Variants in FAM114A2 observed in about 807,000 individuals in gnomAD.
The protein encoded by FAM114A2 is family with sequence similarity 114 member A2.
In FAM114A2, 53 loss-of-function variants were observed where a neutral mutation model predicts 58.4. The observed-to-expected ratio is 0.91, with a 90% CI of 0.73 to 1.14. FAM114A2 has a LOEUF of 1.14. FAM114A2 is among the 50% of genes most tolerant of loss of function. The pLI, the probability that FAM114A2 is intolerant of heterozygous loss-of-function variation, is 0.00. For missense variants in FAM114A2, 601 were observed against 581.1 expected (o/e 1.03, Z -0.35); for synonymous variants, 228 against 211.4 (o/e 1.08, Z -0.68).
chr5:154,031,688 A>G (rs556996193), intron 4 of FAM114A2, among the ~76,000 whole-genome samples: 5 of 152,206 alleles, frequency 3.3e-5, no homozygotes, highest in Non-Finnish European at 7.3e-5. Flanking sequence ...CCCATAAACC[A>G]TGAATAATAA....
chr5:154,005,273 G>C (rs1770276698), intron 9 of FAM114A2, among the ~76,000 whole-genome samples: 1 of 151,996 alleles, frequency 6.6e-6, no homozygotes, highest in Non-Finnish European at 1.5e-5. Context: ...ATGTGACCTG[G>C]GTGCAGCTGC....
At chr5:153,997,946 CAGA>C in intron 11 of FAM114A2, 71 bp from the exon 12 acceptor site, 1 of 922,838 alleles carries the variant, frequency 1.1e-6, no homozygotes, top group Admixed American at 2.0e-5. Flanking sequence ...TAACAATTGT[CAGA>C]AGAGAACAAA....
chr5:154,009,706 G>A (rs1211992034), intron 9 of FAM114A2, among the ~76,000 whole-genome samples: 2 of 152,160 alleles, frequency 1.3e-5, no homozygotes, highest in Non-Finnish European at 2.9e-5. Flanking sequence ...ATCACTTATG[G>A]AGTATTTTGG....
At chr5:153,994,830 T>A (rs1326107684) in intron 13 of FAM114A2, 89 bp downstream of exon 13, 6 of 805,908 alleles carry the variant, frequency 7.4e-6, no homozygotes, top group Admixed American at 2.0e-5. Context: ...ATATGGTGAA[T>A]AAAATAAAAA....
At chr5:154,013,596 T>G (rs1411568005) in intron 8 of FAM114A2, among the ~76,000 whole-genome samples, 4 of 152,192 alleles carry the variant, frequency 2.6e-5, no homozygotes, top group African/African-American at 9.7e-5. Context: ...TTTAGAAAAC[T>G]ACTTGGAGTT....
At position 153,994,909 on chromosome 5, in the gene FAM114A2, A is replaced by G. The variant is rs1321550969; in HGVS notation, c.1383+10T>C. 1 of 1,577,358 alleles carries G rather than the reference A, an allele frequency of 6.3e-7. No individual in the cohort carries two copies. The highest frequency in any genetic ancestry group is 1.1e-5 in the South Asian group (1 of 90,246). On this transcript the variant is annotated intron_variant, in intron 13 of 13. Coordinates refer to ENST00000351797, the MANE Select transcript of FAM114A2 (RefSeq NM_018691.4). ...CCTTTGGAGTCAGAGACTTAAAAAC[A>G]ATTACTAACCTCTAGAAATACTGCA...
Position 153,992,946 on chromosome 5 carries a change from A to C in FAM114A2, c.*30T>G. 6.3e-7 allele frequency: 1 copy of C among 1,598,804 alleles called. No homozygotes were observed. Among genetic ancestry groups the C allele is most frequent in the Non-Finnish European group, 8.5e-7 (1 of 1,170,808 alleles). ...AATAAGGTGGCATTCCTTGGCCGTC[A>C]CAAGTCCCAGGTCAAAACGTCTCCA... On this transcript the variant is annotated 3_prime_UTR_variant, in exon 14 of 14. Transcript: ENST00000351797.
chr5:154,022,817 C>T (rs1771510356), intron 8 of FAM114A2, among the ~76,000 whole-genome samples: 2 of 152,310 alleles, frequency 1.3e-5, no homozygotes, highest in East Asian at 1.9e-4. Flanking sequence ...AATCATGCTA[C>T]TATGAGGACA....
chr5:154,011,205 T>C (rs1325831835), intron 9 of FAM114A2, 36 bp downstream of exon 9: 3 of 1,461,176 alleles, frequency 2.1e-6, no homozygotes, highest in Non-Finnish European at 2.9e-6. Flanking sequence ...TTTTTACAAG[T>C]AAAATAATGA....
intron 9 of FAM114A2, among the ~76,000 whole-genome samples, chr5:154,003,332 C>T (rs1305083980): frequency 6.6e-6 from 1 of 152,046 alleles, no homozygotes; most frequent in East Asian, 1.9e-4. Flanking sequence ...GCGCCCACCA[C>T]CACGCCCAGC....
In FAM114A2 at chr5:154,034,790, G is replaced by GT. The variant is rs1459032269; in HGVS notation, c.163dup (p.Thr55AsnfsTer6). 1 of 1,614,002 alleles carries GT rather than the reference G, an allele frequency of 6.2e-7. No individual in the cohort carries two copies. Among genetic ancestry groups the GT allele is most frequent in the Admixed American group, 1.7e-5 (1 of 60,012 alleles). Reference sequence around the variant, plus strand: ...AGTCTCAAGGTCACTGGAAGGTTTGGTCTCTGGTCTTTTCCGAGTGGAAAC... The same window carrying GT: ...AGTCTCAAGGTCACTGGAAGGTTTGGTTCTCTGGTCTTTTCCGAGTGGAAAC... On this transcript the variant is annotated frameshift_variant, in exon 2 of 14. Coordinates refer to ENST00000351797, the MANE Select transcript of FAM114A2 (RefSeq NM_018691.4). LOFTEE classifies it high-confidence loss of function.
In FAM114A2 at chr5:154,011,215, A is replaced by T. The variant is rs768462245; in HGVS notation, c.993+26T>A. ...CTACATTTTTACAAGTAAAATAATG[A>T]AAATCACCAAGAAGCAATAACTTAC... On this transcript the variant is annotated intron_variant, in intron 9 of 13. Transcript: ENST00000351797. The T allele has an allele frequency of 1.9e-5, 29 of 1,535,110 alleles. No individual in the cohort carries two copies. The Admixed American group carries it at 4.9e-4, about 26-fold the overall frequency.
Position 153,997,839 on chromosome 5 carries a change from C to A in FAM114A2, c.1293G>T (p.Leu431=). 6.2e-7 allele frequency: 1 copy of A among 1,604,200 alleles called. No homozygotes were observed. The highest frequency in any genetic ancestry group is 8.5e-7 in the Non-Finnish European group (1 of 1,171,368). The part of the protein sequence containing the change: ...TIVLCKELSS[L]SKEFTTCLTT... ...TTAGGCAGGTAGTGAACTCTTTAGACAGAGAGGACAACTCTTTACACAACA... is the reference window on the plus strand; with the variant it reads ...TTAGGCAGGTAGTGAACTCTTTAGAAAGAGAGGACAACTCTTTACACAACA... The change falls in exon 12 of 14, where the codon CTG becomes CTT. Residue 431 remains leucine (L), a synonymous_variant. Coordinates refer to ENST00000351797, the MANE Select transcript of FAM114A2 (RefSeq NM_018691.4).
At chr5:154,032,818 T>C (rs527729742) in intron 4 of FAM114A2, among the ~76,000 whole-genome samples, 2 of 152,320 alleles carry the variant, frequency 1.3e-5, no homozygotes, top group African/African-American at 4.8e-5. Flanking sequence ...GCCCAGAACC[T>C]TGACATCATT....
intron 9 of FAM114A2, 103 bp downstream of exon 9, chr5:154,011,138 C>T: frequency 3.5e-6 from 3 of 846,256 alleles, no homozygotes; most frequent in South Asian, 3.4e-5. Context: ...AATATACCTT[C>T]GATTTTGGTG....
chr5:153,994,213 T>C (rs1769416547), intron 13 of FAM114A2, among the ~76,000 whole-genome samples: 1 of 152,224 alleles, frequency 6.6e-6, no homozygotes, highest in African/African-American at 2.4e-5. Context: ...AAGAGTTTGG[T>C]AGTTAAAACA....
chr5:154,022,146 A>G (rs1198056986), intron 8 of FAM114A2, among the ~76,000 whole-genome samples: 1 of 152,234 alleles, frequency 6.6e-6, no homozygotes, highest in Non-Finnish European at 1.5e-5. Flanking sequence ...AATCAATTCA[A>G]GATGGATTAG....
chr5:154,002,188 T>G, intron 11 of FAM114A2, 63 bp downstream of exon 11: 1 of 1,510,814 alleles, frequency 6.6e-7, no homozygotes, highest in South Asian at 1.1e-5. Context: ...TATAAAACTT[T>G]GGAAACAGGC....
At chr5:154,008,666 A>G (rs1770501531) in intron 9 of FAM114A2, among the ~76,000 whole-genome samples, 1 of 151,482 alleles carries the variant, frequency 6.6e-6, no homozygotes, top group South Asian at 2.1e-4. Flanking sequence ...ATACAGCACT[A>G]TATGTGTATG....
Sources: gnomAD v4.1 joint callset for allele counts (sites outside exome capture counted in the v4.1 genomes callset) on GRCh38, gnomAD v4.1.1 for gene constraint, MANE v1.5 for transcripts, NCBI Gene and HGNC (gene_info 2026-07-23, HGNC 2026-07-21) for gene names.